The following CDH12 variants were observed in gnomAD, a reference collection of about 807,000 sequenced individuals.
CDH12 encodes the protein cadherin-12.
A neutral mutation model predicts 74.1 loss-of-function variants in CDH12; 41 were observed. The observed-to-expected ratio is 0.55, with a 90% CI of 0.43 to 0.72. The LOEUF is 0.72. CDH12 is among the 30% of genes least tolerant of loss of function. CDH12 has a pLI of 0.00. For synonymous variants in CDH12, 399 were observed against 355.0 expected (o/e 1.12, Z -1.39); for missense variants, 945 against 977.2 (o/e 0.97, Z 0.44).
intron 3 of CDH12, among the ~76,000 whole-genome samples, chr5:22,218,379 G>C (rs183269294): frequency 6.6e-6 from 1 of 151,724 alleles, no homozygotes; most frequent in Non-Finnish European, 1.5e-5. Context: ...TACACTCATA[G>C]AATGGAATAC....
chr5:22,563,811 T>A (rs1024804605), intron 1 of CDH12, among the ~76,000 whole-genome samples: 4 of 152,110 alleles, frequency 2.6e-5, no homozygotes, highest in African/African-American at 9.7e-5. Flanking sequence ...ACATCTTATG[T>A]GGATGGCAGC....
chr5:22,310,604 T>C (rs982789965), intron 3 of CDH12, among the ~76,000 whole-genome samples: 2 of 152,214 alleles, frequency 1.3e-5, no homozygotes, highest in African/African-American at 4.8e-5. Flanking sequence ...TTCTCTTGTA[T>C]TGCATGTAAG....
chr5:22,142,717 T>A (rs1746882823), intron 4 of CDH12: 3 of 327,454 alleles, frequency 9.2e-6, no homozygotes, highest in Non-Finnish European at 1.8e-5. Flanking sequence ...AATGTGGGAT[T>A]AAGAAGTGTT....
intron 5 of CDH12, among the ~76,000 whole-genome samples, chr5:22,059,884 G>A (rs895372371): frequency 1.3e-5 from 2 of 151,996 alleles, no homozygotes; most frequent in African/African-American, 4.8e-5. Context: ...ATTTTAGAGA[G>A]GTTTATGCCA....
At chr5:22,673,429 T>C (rs1182149902) in intron 1 of CDH12, among the ~76,000 whole-genome samples, 2 of 152,196 alleles carry the variant, frequency 1.3e-5, no homozygotes, top group African/African-American at 4.8e-5. Context: ...ATACTTCCTG[T>C]GCTGTTGCTT....
chr5:22,611,527 G>A (rs1165314999), intron 1 of CDH12, among the ~76,000 whole-genome samples: 1 of 152,028 alleles, frequency 6.6e-6, no homozygotes, highest in Non-Finnish European at 1.5e-5. Flanking sequence ...GAAACCAGCA[G>A]GAACAATGCA....
At chr5:22,544,775 C>T (rs982139027) in intron 1 of CDH12, among the ~76,000 whole-genome samples, 8 of 151,918 alleles carry the variant, frequency 5.3e-5, no homozygotes, top group African/African-American at 1.9e-4. Flanking sequence ...TGATATTGCA[C>T]CACTGTACTC....
chr5:22,542,020 T>C (rs758905335), intron 1 of CDH12, among the ~76,000 whole-genome samples: 12 of 152,248 alleles, frequency 7.9e-5, no homozygotes, highest in Non-Finnish European at 1.3e-4. Context: ...TGCTCTTATG[T>C]TGCTTTTACA....
chr5:22,288,282 C>T (rs1418351695), intron 3 of CDH12, among the ~76,000 whole-genome samples: 1 of 152,064 alleles, frequency 6.6e-6, no homozygotes, highest in African/African-American at 2.4e-5. Flanking sequence ...GTAACAAAAG[C>T]TATCTGGGGT....
At chr5:22,426,708 T>G (rs1244006924) in intron 2 of CDH12, among the ~76,000 whole-genome samples, 1 of 152,204 alleles carries the variant, frequency 6.6e-6, no homozygotes, top group Non-Finnish European at 1.5e-5. Flanking sequence ...GTTTGAACAA[T>G]TATCTCCTAT....
intron 6 of CDH12, among the ~76,000 whole-genome samples, chr5:21,907,254 A>C (rs187940261): frequency 1.7e-4 from 26 of 152,280 alleles, no homozygotes; most frequent in African/African-American, 5.5e-4. Context: ...TTAAACTGAG[A>C]AGCTTTCTGC....
At chr5:22,072,972 C>T (rs1363461281) in intron 5 of CDH12, among the ~76,000 whole-genome samples, 1 of 152,020 alleles carries the variant, frequency 6.6e-6, no homozygotes, top group Non-Finnish European at 1.5e-5. Flanking sequence ...TTCTGTGCCT[C>T]AGTTTTCTGA....
intron 5 of CDH12, among the ~76,000 whole-genome samples, chr5:22,054,886 A>C (rs1043839206): frequency 6.6e-6 from 1 of 152,190 alleles, no homozygotes; most frequent in Admixed American, 6.5e-5. Context: ...CACAATGGGC[A>C]TATCCTGGGC....
chr5:22,605,750 A>C (rs1041468809), intron 1 of CDH12, among the ~76,000 whole-genome samples: 1 of 152,330 alleles, frequency 6.6e-6, no homozygotes, highest in Non-Finnish European at 1.5e-5. Flanking sequence ...GCTGCTAGCT[A>C]TAGCTGCACT....
chr5:22,236,578 CA>C (rs1244940668), intron 3 of CDH12, among the ~76,000 whole-genome samples: 1 of 151,810 alleles, frequency 6.6e-6, no homozygotes, highest in African/African-American at 2.4e-5. Flanking sequence ...ACTAAAAATA[CA>C]AAAAACACAC....
chr5:21,882,526 C>A, intron 6 of CDH12: 1 of 902,302 alleles, frequency 1.1e-6, no homozygotes, highest in Non-Finnish European at 1.9e-6. Context: ...AGCACTCTGT[C>A]CCTCACTCGC....
At position 22,041,046 on chromosome 5, in the gene CDH12, A is replaced by G. The variant is rs566736348; in HGVS notation, c.231+37400T>C. Among the ~76,000 whole-genome samples the G allele has an allele frequency of 3.9e-5, 6 of 152,216 alleles. No homozygotes were observed. In the East Asian group the frequency reaches 1.2e-3, roughly 29 times the overall value. ...AAATATAAATCGTGACATCAAAAAT[A>G]TAAAATATAGGGGGAAAGGTAAAAG... On this transcript the variant is annotated intron_variant, in intron 5 of 14. Transcript: ENST00000382254.
At position 21,816,967 on chromosome 5, in the gene CDH12, T is replaced by A. The variant is rs749806867; in HGVS notation, c.980A>T (p.Glu327Val). 2 of 1,610,410 alleles carry A rather than the reference T, an allele frequency of 1.2e-6. No homozygotes were observed. Among genetic ancestry groups the A allele is most frequent in the Admixed American group, 3.4e-5 (2 of 59,678 alleles). ...FDIVTDEDTQ[E>V]GVIKLKKPLD... is the part of the protein sequence containing the mutation. ...TACCTTTTTCAATTTGATGACTCCC[T>A]CTTGTGTATCCTCATCTGTGACGAT... Residue 327 changes from glutamate to valine, a missense_variant, in exon 9 of 15, where the codon GAG becomes GTG. Around this residue, in one of 3 missense-constraint regions of CDH12, gnomAD observed 791 missense variants for 792.8 expected, o/e 1.00. Coordinates refer to ENST00000382254, the MANE Select transcript of CDH12 (RefSeq NM_004061.5).
intron 4 of CDH12, among the ~76,000 whole-genome samples, chr5:22,156,554 A>T (rs1159715712): frequency 6.6e-6 from 1 of 152,130 alleles, no homozygotes; most frequent in African/African-American, 2.4e-5. Flanking sequence ...CATTGAGAAA[A>T]AAAAGACTAC....
Sources: allele counts gnomAD v4.1 joint callset (sites outside exome capture counted in the v4.1 genomes callset), GRCh38; gene constraint gnomAD v4.1.1; regional missense constraint gnomAD v4.1.1; transcripts MANE v1.5; gene names NCBI Gene and HGNC (gene_info 2026-07-23, HGNC 2026-07-21).